The following FOCAD variants were observed in gnomAD, a reference collection of about 807,000 sequenced individuals.
FOCAD encodes focadhesin.
A neutral mutation model predicts 225.6 loss-of-function variants in FOCAD; 198 were observed. The observed-to-expected ratio is 0.88, with a 90% confidence interval of 0.78 to 0.99. The LOEUF (loss-of-function observed/expected upper bound fraction) is 0.99, where lower values mean the gene tolerates loss of function less well. Ranked by LOEUF, FOCAD falls within the 50% of genes least tolerant of loss-of-function variation. FOCAD has a pLI of 0.00. For synonymous variants in FOCAD, 897 were observed against 755.0 expected, an observed-to-expected ratio of 1.19 and a Z score of -3.08; for missense variants, 2,713 against 2,123.6, an observed-to-expected ratio of 1.28 and a Z score of -5.46.
intron 29 of FOCAD, among the ~76,000 whole-genome samples, chr9:20,945,297 AC>A (rs1274270202): frequency 6.6e-6 from 1 of 152,228 alleles, no homozygotes; most frequent in Non-Finnish European, 1.5e-5. Context: ...ATGGGTGTTA[AC>A]CATGTTTTTA....
intron 5 of FOCAD, among the ~76,000 whole-genome samples, chr9:20,749,011 G>C (rs1267033611): frequency 6.6e-6 from 1 of 152,044 alleles, no homozygotes; most frequent in Non-Finnish European, 1.5e-5. Flanking sequence ...CTATTTGTTT[G>C]TCTCTAGGTG....
At chr9:20,691,516 C>G (rs1397798958) in intron 1 of FOCAD, among the ~76,000 whole-genome samples, 88 of 152,052 alleles carry the variant, frequency 5.8e-4, no homozygotes, top group Non-Finnish European at 5.9e-5. Flanking sequence ...GAGTCTCGCT[C>G]TGTCCCCCAG....
At chr9:20,759,536 C>T (rs1349757132) in intron 6 of FOCAD, among the ~76,000 whole-genome samples, 1 of 152,154 alleles carries the variant, frequency 6.6e-6, no homozygotes, top group African/African-American at 2.4e-5. Context: ...TGGATCCCTT[C>T]CTTACACCTT....
At position 20,666,002 on chromosome 9, in the gene FOCAD, C is replaced by G. The variant is rs10964649; in HGVS notation, c.-78+7176C>G. On this transcript the variant is annotated intron_variant, in intron 2 of 45. Coordinates refer to the FOCAD transcript ENST00000380249. ...CTCCGCCTTCCAGGTTCAAGTGATT[C>G]TCCTGCCTCAGCCTCCCGAGTAGCT... 1.9e-3 allele frequency among the ~76,000 whole-genome samples: 282 copies of G among 152,232 alleles called. 1 individual carries two copies. Among genetic ancestry groups the G allele is most frequent in the Non-Finnish European group, 3.4e-3 (234 of 68,022 alleles).
At chr9:20,798,059 A>AGG (rs1821334915) in intron 11 of FOCAD, among the ~76,000 whole-genome samples, 1 of 151,814 alleles carries the variant, frequency 6.6e-6, no homozygotes, top group Admixed American at 6.6e-5. Context: ...AGCATGAAGC[A>AGG]TTGTTGAATT....
At chr9:20,701,057 T>A (rs1255015745) in intron 1 of FOCAD, among the ~76,000 whole-genome samples, 1 of 152,186 alleles carries the variant, frequency 6.6e-6, no homozygotes, top group East Asian at 1.9e-4. Flanking sequence ...GAGACAAGAA[T>A]GTCTTGAGGA....
At chr9:20,822,692 A>T (rs879545211) in intron 14 of FOCAD, among the ~76,000 whole-genome samples, 1 of 152,036 alleles carries the variant, frequency 6.6e-6, no homozygotes, top group Non-Finnish European at 1.5e-5. Flanking sequence ...TTTTACCATT[A>T]TTACAGCCTT....
intron 2 of FOCAD, among the ~76,000 whole-genome samples, chr9:20,679,141 G>A (rs112004965): frequency 1.4e-5 from 2 of 141,862 alleles, no homozygotes; most frequent in Non-Finnish European, 3.0e-5. Flanking sequence ...GTGTGTGTGT[G>A]TGTGTGTGTG....
At chr9:20,829,170 G>A (rs955515062) in intron 15 of FOCAD, among the ~76,000 whole-genome samples, 1 of 151,976 alleles carries the variant, frequency 6.6e-6, no homozygotes, top group African/African-American at 2.4e-5. Flanking sequence ...GAAATTGCTG[G>A]GTCAGATGGT....
Position 20,866,917 on chromosome 9 carries a change from T to TTTTAAAAAAAAAA in FOCAD, c.2107-12_2107-11insTTTAAAAAAAAAA. The TTTTAAAAAAAAAA allele has an allele frequency of 1.3e-6, 1 of 764,968 alleles. No homozygotes were observed. The highest frequency in any genetic ancestry group is 1.8e-5 in the South Asian group (1 of 54,450). The allele number at this position is 764,968 out of a possible 1,614,324, so 47.4% of individuals were successfully genotyped here. A position where few individuals can be genotyped will look rare whatever the true frequency, so the allele number is the denominator to read the frequency against. ...TTTTTTTTTTTTTTTTTTTTTTTTT[T>TTTTAAAAAAAAAA]ACCCTATCTAGGACCCAATTGTAGC... On this transcript the variant is annotated splice_polypyrimidine_tract_variant and intron_variant, in intron 17 of 43. Coordinates refer to ENST00000338382, the MANE Select transcript of FOCAD (RefSeq NM_001375567.1).
At chr9:20,991,015 G>A (rs1841623257) in intron 42 of FOCAD, among the ~76,000 whole-genome samples, 1 of 152,170 alleles carries the variant, frequency 6.6e-6, no homozygotes, top group Non-Finnish European at 1.5e-5. Flanking sequence ...TTGCTGTTCA[G>A]TCTAGTTCCT....
Position 20,851,534 on chromosome 9 carries a change from G to A in FOCAD, c.1921-11044G>A, listed in dbSNP as rs940821480. On this transcript the variant is annotated intron_variant, in intron 15 of 43. Transcript: ENST00000338382. ...CTGTCACATTTCTAATTTCCTACCC[G>A]TTTTGAAATTTTAAAGTAAATTCAC... is the stretch of plus-strand genomic sequence containing the variant. 3.3e-5 allele frequency among the ~76,000 whole-genome samples: 5 copies of A among 151,818 alleles called. No homozygotes were observed. The South Asian group carries it at 6.2e-4, about 19-fold the overall frequency.
chr9:20,876,589 A>G (rs1198275698), intron 19 of FOCAD, among the ~76,000 whole-genome samples: 1 of 152,072 alleles, frequency 6.6e-6, no homozygotes, highest in Admixed American at 6.6e-5. Context: ...GAGATCGACA[A>G]CTGTATTTGT....
intron 10 of FOCAD, among the ~76,000 whole-genome samples, chr9:20,786,258 A>AAT (rs1819910151): frequency 1.3e-5 from 2 of 152,334 alleles, no homozygotes; most frequent in Admixed American, 1.3e-4. Flanking sequence ...AAACTGTGAT[A>AAT]ATAGTAAATT....
chr9:20,922,052 T>A (rs1834488016), intron 24 of FOCAD, among the ~76,000 whole-genome samples: 1 of 152,194 alleles, frequency 6.6e-6, no homozygotes, highest in South Asian at 2.1e-4. Context: ...GGATATTCTG[T>A]TAAAAGAAAG....
chr9:20,831,948 A>T (rs1587339130), intron 15 of FOCAD, among the ~76,000 whole-genome samples: 1 of 152,194 alleles, frequency 6.6e-6, no homozygotes, highest in South Asian at 2.1e-4. Context: ...GGAGTCATAC[A>T]ATATATTGCC....
chr9:20,794,053 C>T (rs189485684), intron 11 of FOCAD, among the ~76,000 whole-genome samples: 2 of 152,264 alleles, frequency 1.3e-5, no homozygotes, highest in South Asian at 2.1e-4. Context: ...TTTGAGGAAA[C>T]ATTTATTTAT....
At chr9:20,743,435 T>C (rs1425374034) in intron 5 of FOCAD, among the ~76,000 whole-genome samples, 1 of 152,230 alleles carries the variant, frequency 6.6e-6, no homozygotes, top group Non-Finnish European at 1.5e-5. Flanking sequence ...TGCAACAGAA[T>C]ACTTGGTCAT....
At chr9:20,659,375 C>G (rs1222720584) in intron 2 of FOCAD, among the ~76,000 whole-genome samples, 1 of 136,756 alleles carries the variant, frequency 7.3e-6, no homozygotes, top group Non-Finnish European at 1.6e-5. Flanking sequence ...CCACTGCACT[C>G]CAGCCTGAGT....
Sources: allele counts gnomAD v4.1 joint callset (sites outside exome capture counted in the v4.1 genomes callset), GRCh38; gene constraint gnomAD v4.1.1; transcripts MANE v1.5; gene names NCBI Gene and HGNC (gene_info 2026-07-23, HGNC 2026-07-21).